The following EHMT1 variants were observed in gnomAD, a reference collection of about 807,000 sequenced individuals.
The protein encoded by EHMT1 is histone-lysine N-methyltransferase EHMT1.
A neutral mutation model predicts 147.2 loss-of-function variants in EHMT1; 15 were observed. The ratio of observed to expected loss-of-function variants is 0.10; its 90% CI spans 0.07 to 0.16. EHMT1 has a LOEUF of 0.16. EHMT1 is among the 10% of genes least tolerant of loss of function. The pLI, the probability that EHMT1 is intolerant of heterozygous loss-of-function variation, is 1.00. For synonymous variants in EHMT1, 795 were observed against 709.6 expected, an observed-to-expected ratio of 1.12 and a Z score of -1.91; for missense variants, 1,587 against 1,772.4, an observed-to-expected ratio of 0.90 and a Z score of 1.88.
At chr9:137,646,420 C>G in intron 1 of EHMT1, 2 of 985,558 alleles carry the variant, frequency 2.0e-6, no homozygotes, top group South Asian at 4.7e-5. Flanking sequence ...GACTCATTCT[C>G]TGGACAATGG....
chr9:137,622,181 C>T (rs1388196561), intron 1 of EHMT1, among the ~76,000 whole-genome samples: 2 of 143,548 alleles, frequency 1.4e-5, no homozygotes, highest in Non-Finnish European at 3.0e-5. Flanking sequence ...TGCAGTGGCC[C>T]GATCTTGGCT....
intron 1 of EHMT1, among the ~76,000 whole-genome samples, chr9:137,677,413 G>A (rs900619481): frequency 1.3e-5 from 2 of 152,094 alleles, no homozygotes; most frequent in African/African-American, 4.8e-5. Context: ...GGGATTACAG[G>A]CGTGAGCCAC....
chr9:137,811,853 A>G (rs1337441772), intron 19 of EHMT1, among the ~76,000 whole-genome samples: 1 of 152,086 alleles, frequency 6.6e-6, no homozygotes, highest in Non-Finnish European at 1.5e-5. Flanking sequence ...AAAAATTCCC[A>G]AGTTGGAGTC....
At chr9:137,763,738 AG>A (rs1380791318) in intron 10 of EHMT1, 1 of 152,624 alleles carries the variant, frequency 6.6e-6, no homozygotes, top group Non-Finnish European at 1.5e-5. Flanking sequence ...GCGCTCCTCC[AG>A]GTCCACGGCA....
chr9:137,717,964 G>A (rs1167707524), intron 3 of EHMT1, among the ~76,000 whole-genome samples: 1 of 152,262 alleles, frequency 6.6e-6, no homozygotes, highest in African/African-American at 2.4e-5. Flanking sequence ...CGTACCTTGA[G>A]AGCAGAATGA....
At position 137,811,454 on chromosome 9, in the gene EHMT1, T is replaced by C. The variant is rs775801993; in HGVS notation, c.2713-7T>C. 1 of 1,612,350 alleles carries C rather than the reference T, an allele frequency of 6.2e-7. No homozygotes were observed. Among genetic ancestry groups the C allele is most frequent in the East Asian group, 2.2e-5 (1 of 44,860 alleles). ...CCTGCACTGAGCTCTGGCTTGTGTC[T>C]GTTCAGGAGGAGAACATTTGCCTGC... On this transcript the variant is annotated splice_polypyrimidine_tract_variant and splice_region_variant and intron_variant, in intron 18 of 26. Coordinates refer to ENST00000460843, the MANE Select transcript of EHMT1 (RefSeq NM_024757.5).
chr9:137,829,035 C>A (rs1296224505), intron 25 of EHMT1, among the ~76,000 whole-genome samples: 2 of 152,190 alleles, frequency 1.3e-5, no homozygotes, highest in African/African-American at 4.8e-5. Flanking sequence ...CTGTACAGAG[C>A]CCGGGTGGGG....
Position 137,782,154 on chromosome 9 carries a change from C to T in EHMT1, c.2276-137C>T, listed in dbSNP as rs1397733843. The T allele has an allele frequency of 1.9e-5, 14 of 742,870 alleles. No individual in the cohort carries two copies. Among genetic ancestry groups the T allele is most frequent in the Admixed American group, 1.8e-4 (9 of 49,270 alleles). 46.0% of individuals were successfully genotyped at this position (742,870 alleles called of 1,614,324 possible). On this transcript the variant is annotated intron_variant, in intron 14 of 26. Transcript: ENST00000460843. The surrounding 1 kb of genome is among the most constrained non-coding windows in gnomAD (Gnocchi z 5.7). ...CAAGTCCAGAGGATGGTGCTGTGGG[C>T]GGGTTCCGGCGTGGCTCGAGGTGGC...
At chr9:137,754,998 G>A (rs1949270305) in intron 8 of EHMT1, among the ~76,000 whole-genome samples, 1 of 152,216 alleles carries the variant, frequency 6.6e-6, no homozygotes, top group African/African-American at 2.4e-5. Flanking sequence ...CAACGTGAAT[G>A]TAGGAAGGAA....
intron 1 of EHMT1, among the ~76,000 whole-genome samples, chr9:137,664,246 C>T (rs1939387550): frequency 6.6e-6 from 1 of 151,744 alleles, no homozygotes; most frequent in African/African-American, 2.4e-5. Flanking sequence ...CAAGTTGCCC[C>T]CAGAGAGATT....
At position 137,731,811 on chromosome 9, in the gene EHMT1, T is replaced by C. The variant is rs1947137054; in HGVS notation, c.823+3282T>C. Among the ~76,000 whole-genome samples, 1 of 151,924 alleles carries C rather than the reference T, an allele frequency of 6.6e-6. No homozygotes were observed. Among genetic ancestry groups the C allele is most frequent in the African/African-American group, 2.4e-5 (1 of 41,352 alleles). On this transcript the variant is annotated intron_variant, in intron 4 of 26. Transcript: ENST00000460843. This position sits in a 1 kb window ranked among gnomAD's most constrained non-coding sequence, Gnocchi z 4.3. ...GGCGTGTGTTGACGAGCAAGCATGG[T>C]GTGGGGCCACTGTGCACAGCCAGGC...
At chr9:137,823,624 G>A in intron 25 of EHMT1, 1 of 212,028 alleles carries the variant, frequency 4.7e-6, no homozygotes, top group Non-Finnish European at 9.8e-6. Context: ...TGTTAGCCAG[G>A]ATAGTCTCGA....
chr9:137,822,076 C>T (rs1000506348), intron 25 of EHMT1, among the ~76,000 whole-genome samples: 7 of 152,244 alleles, frequency 4.6e-5, no homozygotes, highest in Admixed American at 1.3e-4. Context: ...CCCAAATCCC[C>T]TGTGAGCCCT....
At chr9:137,728,277 A>G (rs1946804558) in intron 3 of EHMT1, 72 bp from the exon 4 acceptor site, 3 of 1,597,072 alleles carry the variant, frequency 1.9e-6, no homozygotes, top group Non-Finnish European at 1.7e-6. Context: ...AAGAACTGTG[A>G]TTTTGGTTGC....
chr9:137,726,784 G>A (rs1946675162), intron 3 of EHMT1, among the ~76,000 whole-genome samples: 2 of 152,166 alleles, frequency 1.3e-5, no homozygotes, highest in African/African-American at 4.8e-5. Context: ...TTCTTTCCTA[G>A]TAGCCATCCA....
chr9:137,684,263 A>G (rs1403020917), intron 1 of EHMT1, among the ~76,000 whole-genome samples: 1 of 151,786 alleles, frequency 6.6e-6, no homozygotes, highest in Non-Finnish European at 1.5e-5. Flanking sequence ...AAACTCCTGG[A>G]CTCAAGCAAT....
Position 137,717,040 on chromosome 9 carries a change from CT to C in EHMT1, c.504del (p.Gln170ArgfsTer112). 6.2e-7 allele frequency: 1 copy of C among 1,607,212 alleles called. No homozygotes were observed. Among genetic ancestry groups the C allele is most frequent in the Non-Finnish European group, 8.5e-7 (1 of 1,175,982 alleles). On this transcript the variant is annotated frameshift_variant, in exon 3 of 27. Coordinates refer to ENST00000460843, the MANE Select transcript of EHMT1 (RefSeq NM_024757.5). LOFTEE classifies it high-confidence loss of function. Reference sequence around the variant, plus strand: ...GCTGGCAAAGGCAGGACTCCAAGCGCTTTTCCCCAGACGCCAGCCGCCCCAC... The same window carrying C: ...GCTGGCAAAGGCAGGACTCCAAGCGCTTTCCCCAGACGCCAGCCGCCCCAC... ...GGAGKGRTPS[A>X]FPQTPAAPPA...
chr9:137,781,365 G>A (rs75324716), intron 14 of EHMT1, among the ~76,000 whole-genome samples: 5 of 150,176 alleles, frequency 3.3e-5, no homozygotes, highest in African/African-American at 4.9e-5. Flanking sequence ...GAGACGTGTG[G>A]TGATGACGCT....
chr9:137,776,776 C>A lies in EHMT1; in HGVS notation c.1950C>A (p.Thr650=). The A allele has an allele frequency of 1.2e-6, 2 of 1,614,016 alleles. No individual in the cohort carries two copies. The highest frequency in any genetic ancestry group is 1.7e-6 in the Non-Finnish European group (2 of 1,180,020). The change falls in exon 12 of 27, where the codon ACC becomes ACA. Residue 650 remains threonine (T), a synonymous_variant. Coordinates refer to ENST00000460843, the MANE Select transcript of EHMT1 (RefSeq NM_024757.5). This position sits in a 1 kb window ranked among gnomAD's most constrained non-coding sequence, Gnocchi z 4.4. The part of the protein sequence containing the change: ...VTIAKADTTS[T]VTPVPGQEKG... ...TAGCTAAAGCAGACACCACCTCGAC[C>A]GTGACACCAGTCCCCGGGCAGGAGA...
Sources: gnomAD v4.1 joint callset for allele counts (sites outside exome capture counted in the v4.1 genomes callset) on GRCh38, gnomAD v4.1.1 for gene constraint, Gnocchi (gnomAD v3.1) non-coding constraint, MANE v1.5 for transcripts, NCBI Gene and HGNC (gene_info 2026-07-23, HGNC 2026-07-21) for gene names.